Variants in WASHC4 observed in about 807,000 individuals in gnomAD.
WASHC4 encodes WASH complex subunit 7.
Under a neutral mutation model 166.6 loss-of-function variants are expected in WASHC4, and 86 were observed. That is an observed-to-expected ratio of 0.52 (90% CI 0.43 to 0.62). The LOEUF (loss-of-function observed/expected upper bound fraction) is 0.62, where lower values mean the gene tolerates loss of function less well. Ranked by LOEUF, WASHC4 falls within the 20% of genes least tolerant of loss-of-function variation. The pLI is 0.00. For synonymous variants in WASHC4, 446 were observed against 451.6 expected (o/e 0.99, Z 0.16); for missense variants, 1,262 against 1,382.4 (o/e 0.91, Z 1.38).
At chr12:105,163,251 C>G (rs1884614789) in intron 30 of WASHC4, among the ~76,000 whole-genome samples, 2 of 152,168 alleles carry the variant, frequency 1.3e-5, no homozygotes, top group African/African-American at 2.4e-5. Flanking sequence ...AGCCACCATG[C>G]CCGGCCTATA....
chr12:105,157,298 C>T lies in WASHC4; in HGVS notation c.2888C>T (p.Ala963Val). ...GAACTAGTAAAAGAAGAAGGTCTTG[C>T]AGAAGAAACATTAAAAGCAGCAAGG... ...FEELVKEEGLAEETLKAARHL... is the reference protein window; with the variant it reads ...FEELVKEEGLVEETLKAARHL... Residue 963 changes from alanine to valine, a missense_variant, in exon 28 of 33, where the codon GCA becomes GTA. Physicochemically the swap from Ala to Val is moderately conservative, Grantham distance 64. Coordinates refer to ENST00000332180, the MANE Select transcript of WASHC4 (RefSeq NM_015275.3). 3 of 1,553,820 alleles carry T rather than the reference C, an allele frequency of 1.9e-6. No individual in the cohort carries two copies. The highest frequency in any genetic ancestry group is 1.1e-5 in the South Asian group (1 of 89,776).
At chr12:105,143,361 G>T in intron 20 of WASHC4, 118 bp downstream of exon 20, 1 of 648,812 alleles carries the variant, frequency 1.5e-6, no homozygotes, top group Non-Finnish European at 2.8e-6. Context: ...TTGCTGGGTA[G>T]AACAAAGAAC....
At chr12:105,164,582 T>C in intron 31 of WASHC4, 59 bp from the exon 32 acceptor site, 5 of 1,150,438 alleles carry the variant, frequency 4.3e-6, no homozygotes, top group Non-Finnish European at 6.4e-6. Context: ...CATATATTTT[T>C]GGTATTTTGC....
At chr12:105,148,236 C>T in intron 24 of WASHC4, 3 of 985,106 alleles carry the variant, frequency 3.0e-6, no homozygotes, top group Non-Finnish European at 3.6e-6. Flanking sequence ...ATGAAACATA[C>T]AATTTTAAAT....
chr12:105,142,748 ATTTC>A (rs1414763882), intron 19 of WASHC4, among the ~76,000 whole-genome samples, 190 bp downstream of exon 19: 2 of 151,932 alleles, frequency 1.3e-5, no homozygotes, highest in African/African-American at 4.8e-5. Flanking sequence ...AATTTATTTA[ATTTC>A]TTCCTTCATG....
At chr12:105,128,350 G>T (rs112138697) in intron 13 of WASHC4, among the ~76,000 whole-genome samples, 28 of 152,306 alleles carry the variant, frequency 1.8e-4, no homozygotes, top group African/African-American at 6.3e-4. Context: ...AGTAATACAA[G>T]ATATATGTAG....
rs1491194957 is a variant in WASHC4, at chr12:105,132,786, TAG to T, written c.1200-983_1200-982del. ...AAGTTAATGTGAGGGGTGAAAGAGGTAGTGTGTGTGTGTGTGTGTGTGTGTGT... is the reference window on the plus strand; with the variant it reads ...AAGTTAATGTGAGGGGTGAAAGAGGTTGTGTGTGTGTGTGTGTGTGTGTGT... On this transcript the variant is annotated intron_variant, in intron 13 of 32. Transcript: ENST00000332180. Among the ~76,000 whole-genome samples the T allele has an allele frequency of 8.1e-4, 67 of 82,504 alleles. 1 individual carries two copies. In the East Asian group the frequency reaches 0.02, roughly 24 times the overall value. 54.1% of individuals were successfully genotyped at this position (82,504 alleles called of 152,430 possible).
chr12:105,148,111 G>T, intron 24 of WASHC4: 3 of 985,268 alleles, frequency 3.0e-6, no homozygotes, highest in Non-Finnish European at 3.6e-6. Context: ...GGAATTGGGA[G>T]AAAATGGAAA....
rs1421982229 is a variant in WASHC4, at chr12:105,124,466, G to A, written c.787-1538G>A. Among the ~76,000 whole-genome samples the A allele has an allele frequency of 2.6e-5, 4 of 151,040 alleles. No homozygotes were observed. In the East Asian group the frequency reaches 5.9e-4, roughly 22 times the overall value. On this transcript the variant is annotated intron_variant, in intron 10 of 32. Transcript: ENST00000332180. The stretch of plus-strand genomic sequence containing the variant: ...TATTGTGTTTGCTGTTAACCTCTAG[G>A]TTTAGGTTTTTTTTGGTTTTGTTTT...
chr12:105,152,740 C>T (rs2135822314), intron 26 of WASHC4, among the ~76,000 whole-genome samples: 1 of 152,244 alleles, frequency 6.6e-6, no homozygotes, highest in East Asian at 1.9e-4. Flanking sequence ...CTGGTAAGTA[C>T]TTACTGAATA....
At chr12:105,143,082 G>A in intron 19 of WASHC4, 45 bp from the exon 20 acceptor site, 1 of 1,184,664 alleles carries the variant, frequency 8.4e-7, no homozygotes. Flanking sequence ...TTAGATTAGA[G>A]ACCTGGTTTT....
Position 105,164,691 on chromosome 12 carries a change from A to G in WASHC4, c.3405A>G (p.Arg1135=), listed in dbSNP as rs1428981727. 2.5e-6 allele frequency: 4 copies of G among 1,613,586 alleles called. No homozygotes were observed. In the African/African-American group the frequency reaches 4.0e-5, roughly 16 times the overall value. ...FSLSSARIFF[R]ADKTAAEENQ... is the part of the protein sequence containing the mutation. ...TGAGCAGTGCAAGAATTTTCTTCAG[A>G]GCAGACAAGACTGCGGCTGAAGAAA... is the stretch of plus-strand genomic sequence containing the variant. Residue 1135 remains arginine (R), a synonymous_variant, in exon 32 of 33, where the codon AGA becomes AGG. Coordinates refer to ENST00000332180, the MANE Select transcript of WASHC4 (RefSeq NM_015275.3).
chr12:105,118,910 T>C (rs1205763581), intron 7 of WASHC4, among the ~76,000 whole-genome samples: 1 of 152,210 alleles, frequency 6.6e-6, no homozygotes, highest in Non-Finnish European at 1.5e-5. Context: ...GGGATGGAGC[T>C]AGGGAATCTA....
intron 13 of WASHC4, among the ~76,000 whole-genome samples, chr12:105,129,410 A>G (rs1881593281): frequency 6.6e-6 from 1 of 152,092 alleles, no homozygotes; most frequent in South Asian, 2.1e-4. Context: ...TTTATTTTTT[A>G]TTTTTAAACT....
At chr12:105,140,538 A>T in intron 16 of WASHC4, 137 bp downstream of exon 16, 1 of 699,718 alleles carries the variant, frequency 1.4e-6, no homozygotes, top group East Asian at 2.7e-5. Context: ...TTATCTCCAT[A>T]GTATTTTACA....
At chr12:105,153,800 G>A (rs1252954040) in intron 26 of WASHC4, among the ~76,000 whole-genome samples, 1 of 151,972 alleles carries the variant, frequency 6.6e-6, no homozygotes, top group Non-Finnish European at 1.5e-5. Context: ...ATTGTTACAT[G>A]TTTTTATTTT....
intron 25 of WASHC4, among the ~76,000 whole-genome samples, chr12:105,151,393 T>C (rs1883764590): frequency 6.6e-6 from 1 of 150,408 alleles, no homozygotes. Context: ...GGTTGCTAGT[T>C]CTCTTCAGTG....
At chr12:105,158,791 T>C (rs531735397) in intron 28 of WASHC4, among the ~76,000 whole-genome samples, 2 of 152,328 alleles carry the variant, frequency 1.3e-5, no homozygotes, top group East Asian at 3.9e-4. Flanking sequence ...AAAGCATTAA[T>C]GGGCTAAGTG....
At chr12:105,114,677 G>T (rs1274210419) in intron 4 of WASHC4, among the ~76,000 whole-genome samples, 2 of 152,010 alleles carry the variant, frequency 1.3e-5, no homozygotes, top group African/African-American at 2.4e-5. Context: ...CTTAAAGAGA[G>T]TGTCACTTGC....
Sources: gnomAD v4.1 joint callset for allele counts (sites outside exome capture counted in the v4.1 genomes callset) on GRCh38, gnomAD v4.1.1 for gene constraint, MANE v1.5 for transcripts, NCBI Gene and HGNC (gene_info 2026-07-23, HGNC 2026-07-21) for gene names.